Variants in IDH1 observed in about 807,000 individuals in gnomAD.
The protein encoded by IDH1 is isocitrate dehydrogenase [NADP] cytoplasmic.
In IDH1, 33 loss-of-function variants were observed where a neutral mutation model predicts 46.1. That is an observed-to-expected ratio of 0.72 (90% CI 0.54 to 0.96). IDH1 has a LOEUF of 0.96. Among genes scored for constraint, IDH1 ranks in the 40% least tolerant of loss-of-function variants. The probability of loss-of-function intolerance (pLI) is 0.00; values close to 1 mark genes in which losing one functional copy is unlikely to be tolerated. For missense variants in IDH1, 421 were observed against 515.7 expected (o/e 0.82, Z 1.78); for synonymous variants, 144 against 172.8 (o/e 0.83, Z 1.31).
At chr2:208,243,064 A>C (rs1381085898) in intron 6 of IDH1, among the ~76,000 whole-genome samples, 1 of 152,150 alleles carries the variant, frequency 6.6e-6, no homozygotes, top group African/African-American at 2.4e-5. Flanking sequence ...GTGCCTGGCC[A>C]ACAGAATTTT....
rs1423819877 is a variant in IDH1, at chr2:208,239,865, A to G, written c.989T>C (p.Ile330Thr). The G allele has an allele frequency of 5.6e-6, 9 of 1,614,006 alleles. No individual in the cohort carries two copies. The Admixed American group carries it at 1.3e-4, about 24-fold the overall frequency. ...AATCAATGTAAACACCATCTTACCA[A>G]TGGGATTGGTGGACGTCTCCTGTCC... The part of the protein sequence containing the change: ...QKGQETSTNP[I>T]ASIFAWTRGL... The change falls in exon 8 of 10, where the codon ATT becomes ACT. Residue 330 changes from isoleucine (I) to threonine (T), a missense_variant and splice_region_variant. Ile to Thr is a moderately conservative substitution (Grantham distance 89). Transcript: ENST00000345146.
chr2:208,239,340 ACTT>A, intron 8 of IDH1, 107 bp from the exon 9 acceptor site: 1 of 1,107,502 alleles, frequency 9.0e-7, no homozygotes, highest in Non-Finnish European at 1.3e-6. Context: ...TAGGTGACAG[ACTT>A]CTTTAGATAC....
rs1383420935 is a variant in IDH1 at position 208,241,982 on chromosome 2, C to G, written c.850+12G>C. The G allele has an allele frequency of 6.2e-6, 10 of 1,611,798 alleles. No homozygotes were observed. Among genetic ancestry groups the G allele is most frequent in the Non-Finnish European group, 7.6e-6 (9 of 1,179,734 alleles). ...TGACCCTGTTCCTACAGGCCAGGCT[C>G]CACCTCTGTACCTTGGGCCACAGAG... On this transcript the variant is annotated intron_variant, in intron 7 of 9. Coordinates refer to ENST00000345146, the MANE Select transcript of IDH1 (RefSeq NM_005896.4).
intron 6 of IDH1, among the ~76,000 whole-genome samples, chr2:208,242,914 G>C (rs1038410633): frequency 6.6e-6 from 1 of 151,964 alleles, no homozygotes; most frequent in African/African-American, 2.4e-5. Context: ...AGAGGCGCCC[G>C]CCACCACGCC....
rs1687817457 is a variant in IDH1 at position 208,236,656 on chromosome 2, C to A, written c.*423G>T. On this transcript the variant is annotated 3_prime_UTR_variant, in exon 10 of 10. Coordinates refer to ENST00000345146, the MANE Select transcript of IDH1 (RefSeq NM_005896.4). The stretch of plus-strand genomic sequence containing the variant: ...TCACAAAACGGGATATCTATGACAC[C>A]AGAACTTCCCTGTGCCCAAGGTCAT... 1 of 268,430 alleles carries A rather than the reference C, an allele frequency of 3.7e-6. No individual in the cohort carries two copies. The allele number at this position is 268,430 out of a possible 1,614,324, so 16.6% of individuals were successfully genotyped here.
chr2:208,242,857 C>A (rs141226540), intron 6 of IDH1, among the ~76,000 whole-genome samples: 7 of 151,858 alleles, frequency 4.6e-5, no homozygotes, highest in Admixed American at 1.3e-4. Context: ...CTCCGCCTCC[C>A]GGGTTCACGC....
rs34363027 is a variant in IDH1 at position 208,245,546 on chromosome 2, C to CTTTTTT, written c.415-128_415-123dup. The CTTTTTT allele has an allele frequency of 6.0e-4, 202 of 336,664 alleles. 2 individuals are homozygous for CTTTTTT. The highest frequency in any genetic ancestry group is 8.7e-4 in the South Asian group (33 of 37,838). 20.9% of individuals were successfully genotyped at this position (336,664 alleles called of 1,614,324 possible). A position where few individuals can be genotyped will look rare whatever the true frequency, so the allele number is the denominator to read the frequency against. On this transcript the variant is annotated intron_variant, in intron 4 of 9. Coordinates refer to ENST00000345146, the MANE Select transcript of IDH1 (RefSeq NM_005896.4). ...ACAAATAGGGCAGTATGTCAAACTT[C>CTTTTTT]TTTTTTTTTTTTTTTTTTTAGGAGA...
At chr2:208,245,037 G>C (rs1488171552) in intron 5 of IDH1, among the ~76,000 whole-genome samples, 3 of 152,176 alleles carry the variant, frequency 2.0e-5, no homozygotes, top group Admixed American at 6.5e-5. Flanking sequence ...GCAGATTTCT[G>C]CCAACCTTCT....
At chr2:208,247,945 A>C (rs780200743) in intron 4 of IDH1, 12 of 240,038 alleles carry the variant, frequency 5.0e-5, no homozygotes, top group Admixed American at 4.7e-4. Flanking sequence ...GGTGGTACTC[A>C]AGCATTGAAA....
chr2:208,239,478 A>G (rs1478672557), intron 8 of IDH1, among the ~76,000 whole-genome samples: 1 of 152,214 alleles, frequency 6.6e-6, no homozygotes, highest in Non-Finnish European at 1.5e-5. Flanking sequence ...AATTTGAAAA[A>G]GGTCACAATC....
intron 9 of IDH1, among the ~76,000 whole-genome samples, chr2:208,238,111 C>T (rs1313516975): frequency 1.3e-5 from 2 of 150,530 alleles, no homozygotes; most frequent in African/African-American, 4.9e-5. Context: ...TCTCGGCTCA[C>T]TGCAAGCTCC....
intron 8 of IDH1, among the ~76,000 whole-genome samples, 188 bp downstream of exon 8, chr2:208,239,675 T>C (rs1489952038): frequency 5.9e-5 from 9 of 152,266 alleles, no homozygotes; most frequent in Non-Finnish European, 1.2e-4. Context: ...GTAACCTATG[T>C]TCTCCCACAA....
chr2:208,252,052 T>G (rs970676369), intron 2 of IDH1, among the ~76,000 whole-genome samples: 2 of 152,198 alleles, frequency 1.3e-5, no homozygotes. Flanking sequence ...TCCAGAATGG[T>G]GAGTGCTAGC....
chr2:208,236,450 A>T lies in IDH1; in HGVS notation c.*629T>A, dbSNP rs1687814120. The T allele has an allele frequency of 1.3e-5, 3 of 232,244 alleles. No individual in the cohort carries two copies. The highest frequency in any genetic ancestry group is 1.8e-4 in the South Asian group (1 of 5,536). 14.4% of individuals were successfully genotyped at this position (232,244 alleles called of 1,614,324 possible). On this transcript the variant is annotated 3_prime_UTR_variant, in exon 10 of 10. Transcript: ENST00000345146. ...CAGGAGGAGAAAGAGAAAAATGGAG[A>T]GGACAAACCTCCAGGTAGTATTTAT...
intron 6 of IDH1, among the ~76,000 whole-genome samples, chr2:208,242,865 C>T (rs950276540): frequency 3.9e-4 from 59 of 151,764 alleles, no homozygotes; most frequent in African/African-American, 1.3e-3. Context: ...CCCGGGTTCA[C>T]GCCATTCTCC....
chr2:208,242,199 G>T, intron 6 of IDH1, 54 bp from the exon 7 acceptor site: 1 of 1,525,290 alleles, frequency 6.6e-7, no homozygotes, highest in Non-Finnish European at 9.1e-7. Context: ...ATTTTGTTAG[G>T]GATATCATCT....
chr2:208,249,349 C>T lies in IDH1; in HGVS notation c.123-689G>A, dbSNP rs552404188. ...GGACTACAGGCATGCACCACCATGC[C>T]CAGCTAATTCCTTCTGTAATTCTTG... is the stretch of plus-strand genomic sequence containing the variant. On this transcript the variant is annotated intron_variant, in intron 3 of 9. Transcript: ENST00000345146. 1.9e-3 allele frequency among the ~76,000 whole-genome samples: 293 copies of T among 152,274 alleles called. 1 individual carries two copies. Among genetic ancestry groups the T allele is most frequent in the Non-Finnish European group, 3.6e-3 (242 of 68,022 alleles).
At chr2:208,251,254 CTT>C in intron 3 of IDH1, 174 bp downstream of exon 3, 2 of 389,260 alleles carry the variant, frequency 5.1e-6, no homozygotes, top group Non-Finnish European at 4.5e-6. Flanking sequence ...CTTTTTTTTC[CTT>C]TTTTTTTTAA....
intron 3 of IDH1, among the ~76,000 whole-genome samples, chr2:208,250,587 C>T (rs937754501): frequency 1.3e-5 from 2 of 152,170 alleles, no homozygotes; most frequent in Non-Finnish European, 2.9e-5. Flanking sequence ...TGCCAGTCTT[C>T]AGCCACTTTA....
Sources: allele counts gnomAD v4.1 joint callset (sites outside exome capture counted in the v4.1 genomes callset), GRCh38; gene constraint gnomAD v4.1.1; transcripts MANE v1.5; gene names NCBI Gene and HGNC (gene_info 2026-07-23, HGNC 2026-07-21).